DLG3: variants seen among roughly 807,000 people sequenced by gnomAD.
DLG3 encodes disks large homolog 3.
Under a neutral mutation model 64.1 loss-of-function variants are expected in DLG3, and 1 was observed. That is an observed-to-expected ratio of 0.02 (90% CI 0.01 to 0.07). The LOEUF (loss-of-function observed/expected upper bound fraction) is 0.07, where lower values mean the gene tolerates loss of function less well. Among genes scored for constraint, DLG3 ranks in the 10% least tolerant of loss-of-function variants. The probability of loss-of-function intolerance (pLI) is 1.00; values close to 1 mark genes in which losing one functional copy is unlikely to be tolerated. For synonymous variants in DLG3, 245 were observed against 259.8 expected, an observed-to-expected ratio of 0.94 and a Z score of 0.55; for missense variants, 429 against 669.5, an observed-to-expected ratio of 0.64 and a Z score of 3.96.
In DLG3 at chrX:70,499,176, T is replaced by C. The variant is rs747614852; in HGVS notation, c.1871T>C (p.Ile624Thr). The change falls in exon 15 of 19, where the codon ATT (isoleucine) becomes ACT (threonine). Residue 624 changes from isoleucine to threonine, a missense_variant and splice_region_variant. Transcript: ENST00000374360. ...LSYEPVTRQE[I>T]HYARPVIILG... ...CTGTCTCGATGCTCTCCCTCTCTAG[T>C]TCACTATGCAAGGCCTGTGATCATC... 1 of 1,199,201 alleles carries C rather than the reference T, an allele frequency of 8.3e-7. No individual in the cohort carries two copies. Among genetic ancestry groups the C allele is most frequent in the South Asian group, 1.8e-5 (1 of 56,598 alleles).
chrX:70,460,570 A>G (rs2086786312), intron 9 of DLG3, among the ~76,000 whole-genome samples: 1 of 112,654 alleles, frequency 8.9e-6, no homozygotes, highest in Admixed American at 9.4e-5. Context: ...TTAATTCTTC[A>G]AGTGAAATGG....
intron 17 of DLG3, 103 bp downstream of exon 17, chrX:70,500,683 T>A (rs775896357): frequency 5.6e-5 from 43 of 767,017 alleles, no homozygotes; most frequent in Non-Finnish European, 8.0e-5. Flanking sequence ...AAAGAAACTC[T>A]GTGCCCCAGC....
At chrX:70,457,703 C>G (rs1446257666) in intron 9 of DLG3, among the ~76,000 whole-genome samples, 1 of 109,136 alleles carries the variant, frequency 9.2e-6, no homozygotes, top group African/African-American at 3.4e-5. Context: ...TCCCCAGTAG[C>G]TGGGACTACA....
At chrX:70,459,439 G>T (rs995751064) in intron 9 of DLG3, among the ~76,000 whole-genome samples, 1 of 112,199 alleles carries the variant, frequency 8.9e-6, no homozygotes, top group African/African-American at 3.2e-5. Flanking sequence ...GAGAATGAAG[G>T]ATGTAAATGT....
chrX:70,452,856 G>T, intron 7 of DLG3: 1 of 845,700 alleles, frequency 1.2e-6, no homozygotes, highest in Non-Finnish European at 1.6e-6. Flanking sequence ...GTGGGGCTTT[G>T]GGCTCCTCCG....
intron 9 of DLG3, among the ~76,000 whole-genome samples, chrX:70,467,106 G>C (rs1170392321): frequency 9.0e-6 from 1 of 110,810 alleles, no homozygotes; most frequent in Admixed American, 9.7e-5. Context: ...TGTAGAGATG[G>C]GGTCTCACTG....
chrX:70,454,128 G>A, intron 8 of DLG3, 86 bp from the exon 9 acceptor site: 1 of 844,260 alleles, frequency 1.2e-6, no homozygotes, highest in East Asian at 3.2e-5. Context: ...TTAGGGGTGG[G>A]GTACCCATCT....
rs772333791 is a variant in DLG3, at chrX:70,500,593, C to T, written c.2255+13C>T. ...TTGAAGCCCTTATGTAAGTGTTGAACTGAGAACTCAGACACACCAAGCTAA... is the reference window on the plus strand; with the variant it reads ...TTGAAGCCCTTATGTAAGTGTTGAATTGAGAACTCAGACACACCAAGCTAA... On this transcript the variant is annotated intron_variant, in intron 17 of 18. Transcript: ENST00000374360. The T allele has an allele frequency of 1.3e-5, 15 of 1,127,568 alleles. No homozygotes were observed. The highest frequency in any genetic ancestry group is 1.8e-5 in the Non-Finnish European group (15 of 820,212). 92.9% of individuals were successfully genotyped at this position (1,127,568 alleles called of 1,213,427 possible). A position where few individuals can be genotyped will look rare whatever the true frequency, so the allele number is the denominator to read the frequency against.
intron 6 of DLG3, 128 bp downstream of exon 6, chrX:70,450,911 A>G: frequency 2.2e-6 from 2 of 896,297 alleles, no homozygotes; most frequent in Non-Finnish European, 3.2e-6. Context: ...GTAGCAGCCA[A>G]TAAGGTTTAT....
At chrX:70,462,218 G>A (rs1425761646) in intron 9 of DLG3, among the ~76,000 whole-genome samples, 3 of 99,334 alleles carry the variant, frequency 3.0e-5, no homozygotes, top group Non-Finnish European at 6.1e-5. Context: ...GCATGTATCA[G>A]TACTTAATTC....
At chrX:70,457,574 C>CT (rs61405424) in intron 9 of DLG3, among the ~76,000 whole-genome samples, 5,452 of 99,556 alleles carry the variant, frequency 0.055, 187 homozygotes, top group East Asian at 0.22. Flanking sequence ...CGTTTTAGGA[C>CT]TTTTTTTTTT....
At chrX:70,474,560 C>T in intron 9 of DLG3, among the ~76,000 whole-genome samples, 1 of 110,051 alleles carries the variant, frequency 9.1e-6, no homozygotes, top group Admixed American at 9.7e-5. Flanking sequence ...TTAATGTAGT[C>T]AAATTAGGTA....
At chrX:70,451,562 C>T (rs1242712984) in intron 6 of DLG3, among the ~76,000 whole-genome samples, 2 of 112,154 alleles carry the variant, frequency 1.8e-5, no homozygotes, top group Non-Finnish European at 3.8e-5. Context: ...CCTTGGAAAA[C>T]TGTATTAGGC....
At chrX:70,461,294 T>A (rs2147797257) in intron 9 of DLG3, among the ~76,000 whole-genome samples, 1 of 112,409 alleles carries the variant, frequency 8.9e-6, no homozygotes, top group African/African-American at 3.2e-5. Context: ...GCGGTTTTGA[T>A]TTGAATTTTC....
intron 9 of DLG3, chrX:70,455,259 G>A: frequency 1.3e-6 from 1 of 754,589 alleles, no homozygotes; most frequent in Non-Finnish European, 1.6e-6. Context: ...CCGACCCGGC[G>A]CCAGGTGAGG....
At position 70,454,327 on chromosome X, in the gene DLG3, G is replaced by A. The variant is rs1602881182; in HGVS notation, c.1405+11G>A. On this transcript the variant is annotated intron_variant, in intron 9 of 18. Transcript: ENST00000374360. Reference sequence around the variant, plus strand: ...AGTACAGACCTGAAGGTAGGAGAAGGGAAGGTGGGAAGAGATGATGTGGGG... The same window carrying A: ...AGTACAGACCTGAAGGTAGGAGAAGAGAAGGTGGGAAGAGATGATGTGGGG... The A allele has an allele frequency of 8.4e-7, 1 of 1,183,956 alleles. No individual in the cohort carries two copies. The highest frequency in any genetic ancestry group is 1.1e-6 in the Non-Finnish European group (1 of 870,872).
At chrX:70,450,929 G>A (rs1006054757) in intron 6 of DLG3, 146 bp downstream of exon 6, 13 of 749,644 alleles carry the variant, frequency 1.7e-5, no homozygotes, top group South Asian at 1.0e-4. Flanking sequence ...TATCTGAGGC[G>A]CCATTATTGC....
At chrX:70,474,146 A>G (rs1036464951) in intron 9 of DLG3, among the ~76,000 whole-genome samples, 1 of 111,998 alleles carries the variant, frequency 8.9e-6, no homozygotes, top group Admixed American at 9.5e-5. Context: ...AGTCCTTGAA[A>G]GTTTGGCTGA....
At chrX:70,470,819 T>C (rs952994142) in intron 9 of DLG3, among the ~76,000 whole-genome samples, 9 of 111,936 alleles carry the variant, frequency 8.0e-5, no homozygotes, top group African/African-American at 2.3e-4. Flanking sequence ...AAGCAGAGGC[T>C]TAGAGGAGAG....
Sources: allele counts gnomAD v4.1 joint callset (sites outside exome capture counted in the v4.1 genomes callset), GRCh38; gene constraint gnomAD v4.1.1; transcripts MANE v1.5; gene names NCBI Gene and HGNC (gene_info 2026-07-23, HGNC 2026-07-21).